ZNF652: variants seen among roughly 807,000 people sequenced by gnomAD.
The protein encoded by ZNF652 is zinc finger protein 652.
ZNF652 carries 16 observed loss-of-function variants against 45.2 expected under a neutral mutation model. That is an observed-to-expected ratio of 0.35 (90% CI 0.24 to 0.54). The LOEUF (loss-of-function observed/expected upper bound fraction) is 0.54, where lower values mean the gene tolerates loss of function less well. ZNF652 is among the 20% of genes least tolerant of loss of function. The pLI, the probability that ZNF652 is intolerant of heterozygous loss-of-function variation, is 0.91. For missense variants in ZNF652, 614 were observed against 765.6 expected, an observed-to-expected ratio of 0.80 and a Z score of 2.34; for synonymous variants, 250 against 260.6, an observed-to-expected ratio of 0.96 and a Z score of 0.39.
At position 49,317,180 on chromosome 17, in the gene ZNF652, T is replaced by C. The variant is rs764738824; in HGVS notation, c.546A>G (p.Val182=). ...NEKQKKKEKI[V]EKVSVTQRRT... is the part of the protein sequence containing the mutation. ...TCCTTTGTGTAACGCTGACTTTCTC[T>C]ACTATCTTCTCCTTTTTCTTCTGCT... is the stretch of plus-strand genomic sequence containing the variant. Residue 182 remains valine (V), a synonymous_variant, in exon 2 of 6, where the codon GTA becomes GTG. Transcript: ENST00000430262. The C allele has an allele frequency of 1.2e-5, 19 of 1,613,698 alleles. No individual in the cohort carries two copies. The African/African-American group carries it at 2.5e-4, about 22-fold the overall frequency.
In ZNF652 at chr17:49,295,949, A is replaced by AAAAAC. The variant is rs2069469486; in HGVS notation, c.*2463_*2464insGTTTT. Reference sequence around the variant, plus strand: ...CAAGACTCTGCCTCAAAAAAAAAAAAAAAAAAAAAAAAAAAACAGAACAAA... The same window carrying AAAAAC: ...CAAGACTCTGCCTCAAAAAAAAAAAAAAAACAAAAAAAAAAAAAAAACAGAACAAA... On this transcript the variant is annotated 3_prime_UTR_variant, in exon 6 of 6. Transcript: ENST00000430262. The AAAAAC allele has an allele frequency of 7.8e-6, 1 of 128,850 alleles. No individual in the cohort carries two copies. The highest frequency in any genetic ancestry group is 3.0e-5 in the African/African-American group (1 of 33,448). 8.0% of individuals were successfully genotyped at this position (128,850 alleles called of 1,614,324 possible).
chr17:49,309,418 G>A (rs1397192847), intron 5 of ZNF652, among the ~76,000 whole-genome samples: 2 of 146,870 alleles, frequency 1.4e-5, no homozygotes, highest in African/African-American at 2.5e-5. Flanking sequence ...TGGGGCAGGA[G>A]AATCACTTGA....
At chr17:49,332,036 C>A (rs1166375500) in intron 1 of ZNF652, among the ~76,000 whole-genome samples, 3 of 152,100 alleles carry the variant, frequency 2.0e-5, no homozygotes, top group African/African-American at 7.2e-5. Flanking sequence ...GTAATCCCAG[C>A]ATTTTGGGAG....
rs760628733 is a variant in ZNF652 at position 49,312,853 on chromosome 17, G to A, written c.901-8C>T. The A allele has an allele frequency of 5.0e-5, 80 of 1,609,230 alleles. No homozygotes were observed. Among genetic ancestry groups the A allele is most frequent in the Non-Finnish European group, 6.4e-5 (76 of 1,178,574 alleles). On this transcript the variant is annotated splice_polypyrimidine_tract_variant and splice_region_variant and intron_variant, in intron 2 of 5. Coordinates refer to ENST00000430262, the MANE Select transcript of ZNF652 (RefSeq NM_001145365.3). ...TTTGTTACAGGAAACACACTGAGCA[G>A]GATAAATAGAAATAATATTTATAGG...
intron 2 of ZNF652, among the ~76,000 whole-genome samples, chr17:49,316,185 GTTATT>G (rs2069801937): frequency 2.0e-5 from 3 of 152,146 alleles, no homozygotes; most frequent in South Asian, 4.1e-4. Context: ...TTTGAATACC[GTTATT>G]TTGTTACCTT....
At chr17:49,306,984 C>G (rs1026336563) in intron 5 of ZNF652, among the ~76,000 whole-genome samples, 2 of 152,044 alleles carry the variant, frequency 1.3e-5, no homozygotes, top group African/African-American at 4.8e-5. Flanking sequence ...AACTCCTGAC[C>G]TCAAGTGATC....
In ZNF652 at chr17:49,317,496, T is replaced by A; in HGVS notation, c.230A>T (p.Glu77Val). Residue 77 changes from glutamate to valine, a missense_variant, in exon 2 of 6, where the codon GAA becomes GTA. By Grantham distance (121) the Glu-to-Val change is moderately radical (BLOSUM62 -2). This residue lies in a region of ZNF652 where 133 missense variants were observed against 132.2 expected (regional missense o/e 1.01). Transcript: ENST00000430262. ...MSKPHLHETE[E>V]QPYFRETRAV... ...TCTTGTCTCCCTGAAATATGGCTGT[T>A]CTTCTGTTTCATGGAGATGCGGTTT... 1.2e-6 allele frequency: 2 copies of A among 1,614,120 alleles called. No individual in the cohort carries two copies. The highest frequency in any genetic ancestry group is 1.7e-6 in the Non-Finnish European group (2 of 1,180,018).
intron 1 of ZNF652, among the ~76,000 whole-genome samples, chr17:49,333,699 G>A (rs1173770885): frequency 7.7e-6 from 1 of 129,898 alleles, no homozygotes; most frequent in African/African-American, 3.0e-5. Context: ...CAGCCTGGGC[G>A]ACAGAGTGAG....
intron 1 of ZNF652, among the ~76,000 whole-genome samples, chr17:49,332,543 G>A (rs576560849): frequency 6.6e-6 from 1 of 152,214 alleles, no homozygotes; most frequent in South Asian, 2.1e-4. Flanking sequence ...AATTTCAAGG[G>A]ATCCACCTAT....
At chr17:49,320,908 T>G (rs1446984941) in intron 1 of ZNF652, among the ~76,000 whole-genome samples, 2 of 151,918 alleles carry the variant, frequency 1.3e-5, no homozygotes, top group Admixed American at 1.3e-4. Context: ...TGGAGTGCAG[T>G]GGTGCGATCT....
At chr17:49,311,579 G>A (rs1163041544) in intron 4 of ZNF652, 123 bp from the exon 5 acceptor site, 5 of 1,105,774 alleles carry the variant, frequency 4.5e-6, no homozygotes, top group Non-Finnish European at 6.2e-6. Flanking sequence ...GCTTGTGTCA[G>A]CTATTTGGCT....
intron 2 of ZNF652, among the ~76,000 whole-genome samples, chr17:49,313,348 A>C (rs990834513): frequency 1.2e-4 from 19 of 152,066 alleles, no homozygotes; most frequent in African/African-American, 4.8e-5. Flanking sequence ...TAGTAGAGAC[A>C]GGGTTTCACC....
chr17:49,350,293 C>T (rs2070256632), intron 1 of ZNF652, among the ~76,000 whole-genome samples: 1 of 151,856 alleles, frequency 6.6e-6, no homozygotes, highest in African/African-American at 2.4e-5. Flanking sequence ...AATCCCAGCA[C>T]TTTGGGAGGC....
chr17:49,319,288 T>C (rs1294618941), intron 1 of ZNF652, among the ~76,000 whole-genome samples: 1 of 152,074 alleles, frequency 6.6e-6, no homozygotes, highest in Non-Finnish European at 1.5e-5. Context: ...TATTGTTCAT[T>C]ATTTATGTTT....
At chr17:49,329,942 C>T (rs1038598320) in intron 1 of ZNF652, among the ~76,000 whole-genome samples, 1 of 152,182 alleles carries the variant, frequency 6.6e-6, no homozygotes, top group African/African-American at 2.4e-5. Context: ...ATAAGCACCA[C>T]GCCCAGGGCC....
intron 1 of ZNF652, among the ~76,000 whole-genome samples, chr17:49,358,150 G>T (rs1244356860): frequency 6.6e-6 from 1 of 152,138 alleles, no homozygotes; most frequent in Non-Finnish European, 1.5e-5. Flanking sequence ...GGAAACTGAG[G>T]CCAGAGAGCT....
chr17:49,330,472 T>C (rs2070011111), intron 1 of ZNF652, among the ~76,000 whole-genome samples: 1 of 126,378 alleles, frequency 7.9e-6, no homozygotes, highest in Non-Finnish European at 1.8e-5. Context: ...TTAATTTTAA[T>C]TTTTAGCATG....
At chr17:49,328,682 T>A (rs2069992460) in intron 1 of ZNF652, among the ~76,000 whole-genome samples, 1 of 152,212 alleles carries the variant, frequency 6.6e-6, no homozygotes, top group South Asian at 2.1e-4. Context: ...GATTGTACAC[T>A]TTCTGAGGCC....
intron 1 of ZNF652, among the ~76,000 whole-genome samples, chr17:49,354,588 G>A (rs74830554): frequency 0.054 from 7,871 of 146,186 alleles, 280 homozygotes; most frequent in Middle Eastern, 0.13. Context: ...CTCAGCCTGG[G>A]CATGGAAGCA....
Sources: allele counts gnomAD v4.1 joint callset (sites outside exome capture counted in the v4.1 genomes callset), GRCh38; gene constraint gnomAD v4.1.1; regional missense constraint gnomAD v4.1.1; transcripts MANE v1.5; gene names NCBI Gene and HGNC (gene_info 2026-07-23, HGNC 2026-07-21).